The following RALYL variants were observed in gnomAD, a reference collection of about 807,000 sequenced individuals.
RALYL encodes RALY RNA binding protein like.
A neutral mutation model predicts 35.1 loss-of-function variants in RALYL; 29 were observed. That is an observed-to-expected ratio of 0.83 (90% CI 0.61 to 1.13). The LOEUF is 1.13. Ranked by LOEUF, RALYL falls within the 50% of genes most tolerant of loss-of-function variation. The pLI, the probability that RALYL is intolerant of heterozygous loss-of-function variation, is 0.00. For synonymous variants in RALYL, 120 were observed against 127.6 expected (o/e 0.94, Z 0.40); for missense variants, 359 against 360.4 (o/e 1.00, Z 0.03).
chr8:84,726,864 A>T (rs1845061776), intron 2 of RALYL, among the ~76,000 whole-genome samples: 1 of 152,064 alleles, frequency 6.6e-6, no homozygotes, highest in Admixed American at 6.6e-5. Flanking sequence ...AATAAGGGCG[A>T]TCCCCATCCT....
chr8:84,534,815 T>C (rs913004140), intron 2 of RALYL, among the ~76,000 whole-genome samples: 1 of 152,216 alleles, frequency 6.6e-6, no homozygotes, highest in Non-Finnish European at 1.5e-5. Flanking sequence ...ATGATCAGCT[T>C]GCTAAGGAGA....
intron 8 of RALYL, among the ~76,000 whole-genome samples, chr8:84,888,365 T>C (rs1243814804): frequency 6.6e-6 from 1 of 152,222 alleles, no homozygotes; most frequent in Admixed American, 6.5e-5. Context: ...TACTGCTCAT[T>C]TCCAGATGTC....
intron 1 of RALYL, among the ~76,000 whole-genome samples, chr8:84,489,412 G>T (rs1259988215): frequency 6.6e-6 from 1 of 151,966 alleles, no homozygotes; most frequent in Non-Finnish European, 1.5e-5. Flanking sequence ...AGTTAACTTT[G>T]AATACCGTAT....
chr8:84,693,465 C>T (rs1179610019), intron 2 of RALYL, among the ~76,000 whole-genome samples: 1 of 151,928 alleles, frequency 6.6e-6, no homozygotes, highest in Non-Finnish European at 1.5e-5. Flanking sequence ...CCCCATGATT[C>T]AATTACCTTC....
At chr8:84,909,319 T>C (rs16913440) in intron 8 of RALYL, among the ~76,000 whole-genome samples, 7,554 of 152,242 alleles carry the variant, frequency 0.05, 255 homozygotes, top group African/African-American at 0.073. Context: ...AATATCTCTT[T>C]ACAAGCCTGT....
rs746977194 is a variant in RALYL at position 84,862,479 on chromosome 8, C to T, written c.571+26C>T. ...GTAAGTAATGTCCTTCATTTTATTT[C>T]TCTTTAAAGAAGGGAGTGATTAACT... On this transcript the variant is annotated intron_variant, in intron 6 of 8. Transcript: ENST00000521268. 18 of 1,517,278 alleles carry T rather than the reference C, an allele frequency of 1.2e-5. No homozygotes were observed. In the Admixed American group the frequency reaches 3.7e-4, roughly 31 times the overall value. The allele number at this position is 1,517,278 out of a possible 1,614,324, so 94.0% of individuals were successfully genotyped here. A position where few individuals can be genotyped will look rare whatever the true frequency, so the allele number is the denominator to read the frequency against.
intron 1 of RALYL, among the ~76,000 whole-genome samples, chr8:84,231,089 T>A (rs1432986774): frequency 6.6e-6 from 1 of 152,242 alleles, no homozygotes; most frequent in Admixed American, 6.5e-5. Flanking sequence ...AATGGAATCT[T>A]ACAGTTGCTG....
chr8:84,613,483 G>T (rs376830885), intron 2 of RALYL, among the ~76,000 whole-genome samples: 17 of 151,308 alleles, frequency 1.1e-4, no homozygotes, highest in Non-Finnish European at 2.2e-4. Context: ...CAGGTACCTC[G>T]CATGTGGTAA....
chr8:84,821,016 G>A (rs1828395886), intron 4 of RALYL, among the ~76,000 whole-genome samples: 1 of 152,030 alleles, frequency 6.6e-6, no homozygotes, highest in Non-Finnish European at 1.5e-5. Context: ...TGCAAAATAA[G>A]TGCTTTGATT....
At chr8:84,863,018 A>G (rs1838431221) in intron 6 of RALYL, among the ~76,000 whole-genome samples, 1 of 152,212 alleles carries the variant, frequency 6.6e-6, no homozygotes, top group African/African-American at 2.4e-5. Context: ...AGCGATACAA[A>G]CTTTCCAACT....
chr8:84,800,791 T>G (rs1218218316), intron 3 of RALYL, among the ~76,000 whole-genome samples: 5 of 152,170 alleles, frequency 3.3e-5, no homozygotes, highest in Non-Finnish European at 1.5e-5. Context: ...CCTAGCAGTT[T>G]CCTTCTTTTA....
At chr8:84,502,043 A>G (rs711035) in intron 1 of RALYL, among the ~76,000 whole-genome samples, 145,708 of 151,650 alleles carry the variant, frequency 0.96, 70,035 homozygotes, top group East Asian at 1. Context: ...AATTTATATA[A>G]CAATCCAATC....
At chr8:84,533,097 A>G (rs981879869) in intron 2 of RALYL, among the ~76,000 whole-genome samples, 1 of 152,152 alleles carries the variant, frequency 6.6e-6, no homozygotes, top group African/African-American at 2.4e-5. Flanking sequence ...CACAATTCCT[A>G]TAATGTAAAA....
intron 1 of RALYL, among the ~76,000 whole-genome samples, chr8:84,353,020 C>A (rs539848478): frequency 2.0e-5 from 3 of 150,356 alleles, no homozygotes; most frequent in Non-Finnish European, 4.4e-5. Context: ...GTTTCCAGGA[C>A]ACCTGCGGAC....
intron 4 of RALYL, among the ~76,000 whole-genome samples, chr8:84,835,520 A>T (rs1831792012): frequency 6.7e-6 from 1 of 150,094 alleles, no homozygotes; most frequent in Non-Finnish European, 1.5e-5. Context: ...AAAAAAAAAA[A>T]AAAAAATACA....
At chr8:84,551,016 A>G (rs1286609088) in intron 2 of RALYL, among the ~76,000 whole-genome samples, 1 of 152,072 alleles carries the variant, frequency 6.6e-6, no homozygotes, top group Non-Finnish European at 1.5e-5. Flanking sequence ...TTTTAAGGGT[A>G]GTGACATTTA....
intron 1 of RALYL, among the ~76,000 whole-genome samples, chr8:84,487,110 T>A (rs1298659870): frequency 6.6e-6 from 1 of 152,106 alleles, no homozygotes; most frequent in African/African-American, 2.4e-5. Context: ...TTGTCTGAAT[T>A]AGCATTCATA....
chr8:84,497,642 G>GTTTTTTTTTTTTTTTTTTTTTTTGT (rs71271999), intron 1 of RALYL, among the ~76,000 whole-genome samples: 4 of 117,240 alleles, frequency 3.4e-5, no homozygotes, highest in Admixed American at 9.0e-5. Context: ...TTTTGTTTTT[G>GTTTTTTTTTTTTTTTTTTTTTTTGT]TTTTTTTTTT....
chr8:84,849,967 T>G lies in RALYL; in HGVS notation c.366-13T>G. On this transcript the variant is annotated splice_polypyrimidine_tract_variant and intron_variant, in intron 4 of 8. Coordinates refer to ENST00000521268, the MANE Select transcript of RALYL (RefSeq NM_173848.7). ...AAACAAATGCCAACTAATTTTTTTG[T>G]TTCCCTCTTTAGCGGTTATGTCTTT... 2.1e-6 allele frequency: 3 copies of G among 1,446,236 alleles called. No homozygotes were observed. Among genetic ancestry groups the G allele is most frequent in the Non-Finnish European group, 2.8e-6 (3 of 1,081,660 alleles). 89.6% of individuals were successfully genotyped at this position (1,446,236 alleles called of 1,614,324 possible).
Sources: gnomAD v4.1 joint callset for allele counts (sites outside exome capture counted in the v4.1 genomes callset) on GRCh38, gnomAD v4.1.1 for gene constraint, MANE v1.5 for transcripts, NCBI Gene and HGNC (gene_info 2026-07-23, HGNC 2026-07-21) for gene names.